Variants in ATG9A observed in about 807,000 individuals in gnomAD.
ATG9A encodes autophagy related 9A.
A neutral mutation model predicts 87.1 loss-of-function variants in ATG9A; 21 were observed. That is an observed-to-expected ratio of 0.24 (90% CI 0.17 to 0.35). The LOEUF is 0.35. ATG9A is among the 10% of genes least tolerant of loss of function. The pLI is 1.00. For synonymous variants in ATG9A, 422 were observed against 441.3 expected, an observed-to-expected ratio of 0.96 and a Z score of 0.55; for missense variants, 836 against 1,107.3, an observed-to-expected ratio of 0.76 and a Z score of 3.48.
chr2:219,228,775 T>C (rs1385170515), intron 1 of ATG9A: 1 of 152,256 alleles, frequency 6.6e-6, no homozygotes, highest in Non-Finnish European at 1.5e-5. Context: ...TCCATTGCCC[T>C]ACCTTAGCCT....
chr2:219,227,384 G>A (rs1950883373), intron 4 of ATG9A, among the ~76,000 whole-genome samples: 1 of 152,192 alleles, frequency 6.6e-6, no homozygotes, highest in Admixed American at 6.5e-5. Flanking sequence ...GGGCATCGTG[G>A]CAGGTGCCTG....
Position 219,223,436 on chromosome 2 carries a change from TG to T in ATG9A, c.1599+148del. The stretch of plus-strand genomic sequence containing the variant: ...CTTGGCCAAGGGTGCGAATTAGGGC[TG>T]AAATCCAGCCCAGGCTCCCAAGCAG... On this transcript the variant is annotated intron_variant, in intron 10 of 15. Coordinates refer to ENST00000361242, the MANE Select transcript of ATG9A (RefSeq NM_001077198.3). The surrounding 1 kb of genome is among the most constrained non-coding windows in gnomAD (Gnocchi z 4.7). 9.6e-7 allele frequency: 1 copy of T among 1,040,820 alleles called. No homozygotes were observed. The highest frequency in any genetic ancestry group is 1.6e-5 in the African/African-American group (1 of 62,132). The allele number at this position is 1,040,820 out of a possible 1,614,324, so 64.5% of individuals were successfully genotyped here.
rs1472882754 is a variant in ATG9A at position 219,223,930 on chromosome 2, T to C, written c.1358A>G (p.Gln453Arg). 2.5e-6 allele frequency: 4 copies of C among 1,614,174 alleles called. No individual in the cohort carries two copies. In the South Asian group the frequency reaches 3.3e-5, roughly 13 times the overall value. ...GGTCTGCGAGCGGTGGGCATTACCCTGCCAGTGGTCAGGCATGTAGTGGAT... is the reference window on the plus strand; with the variant it reads ...GGTCTGCGAGCGGTGGGCATTACCCCGCCAGTGGTCAGGCATGTAGTGGAT... Reference protein sequence around the residue: ...AHIHYMPDHWQGNAHRSQTRD... With the variant: ...AHIHYMPDHWRGNAHRSQTRD... Residue 453 changes from glutamine to arginine, a missense_variant, in exon 9 of 16, where the codon CAG becomes CGG. Transcript: ENST00000361242. The surrounding 1 kb of genome is among the most constrained non-coding windows in gnomAD (Gnocchi z 4.7).
In ATG9A at chr2:219,227,608, T is replaced by C. The variant is rs539761120; in HGVS notation, c.147+162A>G. 1.1e-4 allele frequency among the ~76,000 whole-genome samples: 16 copies of C among 152,292 alleles called. No homozygotes were observed. In the South Asian group the frequency reaches 1.2e-3, roughly 12 times the overall value. Reference sequence around the variant, plus strand: ...CACAGATCTTGGTAAATGTGGGCTATCATTACTTAACGATGATTTCACCAG... The same window carrying C: ...CACAGATCTTGGTAAATGTGGGCTACCATTACTTAACGATGATTTCACCAG... On this transcript the variant is annotated intron_variant, in intron 4 of 15. Coordinates refer to ENST00000361242, the MANE Select transcript of ATG9A (RefSeq NM_001077198.3).
At chr2:219,225,369 A>T in intron 6 of ATG9A, 42 bp downstream of exon 6, 3 of 1,606,044 alleles carry the variant, frequency 1.9e-6, no homozygotes, top group Non-Finnish European at 2.6e-6. Context: ...ACCTGCTAGC[A>T]GAACTCAAGG....
chr2:219,225,009 T>C, intron 7 of ATG9A, 62 bp downstream of exon 7: 1 of 1,601,596 alleles, frequency 6.2e-7, no homozygotes, highest in Non-Finnish European at 8.5e-7. Flanking sequence ...TGCCCAGGAA[T>C]ACACCCACAC....
At position 219,223,012 on chromosome 2, in the gene ATG9A, T is replaced by C; in HGVS notation, c.1600-119A>G. 5.1e-6 allele frequency: 7 copies of C among 1,365,054 alleles called. No homozygotes were observed. The South Asian group carries it at 6.9e-5, about 13-fold the overall frequency. 84.6% of individuals were successfully genotyped at this position (1,365,054 alleles called of 1,614,324 possible). A position where few individuals can be genotyped will look rare whatever the true frequency, so the allele number is the denominator to read the frequency against. On this transcript the variant is annotated intron_variant, in intron 10 of 15. Coordinates refer to ENST00000361242, the MANE Select transcript of ATG9A (RefSeq NM_001077198.3). This position sits in a 1 kb window ranked among gnomAD's most constrained non-coding sequence, Gnocchi z 4.7. ...CGGAGACCACAGTATACTGTCAATC[T>C]TTCCCAGGGCACTGGTGCCCCCCCA...
In ATG9A at chr2:219,222,760, C is replaced by A. The variant is rs1950788483; in HGVS notation, c.1733G>T (p.Gly578Val). Residue 578 changes from glycine (G) to valine (V), a missense_variant, in exon 11 of 16, where the codon GGC (glycine) becomes GTC (valine). Gly to Val is a moderately radical substitution (Grantham distance 109). Coordinates refer to ENST00000361242, the MANE Select transcript of ATG9A (RefSeq NM_001077198.3). This position sits in a 1 kb window ranked among gnomAD's most constrained non-coding sequence, Gnocchi z 4.3. ...QPPRESTAFL[G>V]FLKEQVQRDG... ...CCGCTGAACCTGCTCCTTGAGGAAG[C>A]CTAGGAAGGCTGTGCTCTCACGTGG... The A allele has an allele frequency of 1.2e-6, 2 of 1,613,992 alleles. No homozygotes were observed. The highest frequency in any genetic ancestry group is 2.7e-5 in the African/African-American group (2 of 74,922).
chr2:219,225,938 T>C (rs1950851776), intron 5 of ATG9A, among the ~76,000 whole-genome samples: 1 of 152,230 alleles, frequency 6.6e-6, no homozygotes, highest in Non-Finnish European at 1.5e-5. Flanking sequence ...TCCTAACCCC[T>C]TCCCCTTCGG....
At position 219,224,446 on chromosome 2, in the gene ATG9A, T is replaced by G; in HGVS notation, c.925A>C (p.Ile309Leu). Residue 309 changes from isoleucine (I) to leucine (L), a missense_variant, in exon 8 of 16, where the codon ATC becomes CTC. By Grantham distance (5) the Ile-to-Leu change is conservative. Around this residue, in one of 2 missense-constraint regions of ATG9A, gnomAD observed 512 missense variants for 759.6 expected, o/e 0.67. Coordinates refer to ENST00000361242, the MANE Select transcript of ATG9A (RefSeq NM_001077198.3). The surrounding 1 kb of genome is among the most constrained non-coding windows in gnomAD (Gnocchi z 7.7). ...LLCPLILIWQ[I>L]LYAFFSYAEV... ...GCATAGCTGAAGAAGGCATAGAGGATTTGCCATATGAGGATGAGGGGGCAC... is the reference window on the plus strand; with the variant it reads ...GCATAGCTGAAGAAGGCATAGAGGAGTTGCCATATGAGGATGAGGGGGCAC... The G allele has an allele frequency of 6.2e-7, 1 of 1,614,006 alleles. No homozygotes were observed. The highest frequency in any genetic ancestry group is 8.5e-7 in the Non-Finnish European group (1 of 1,179,996).
At chr2:219,226,785 C>G in intron 5 of ATG9A, 84 bp downstream of exon 5, 1 of 1,275,920 alleles carries the variant, frequency 7.8e-7, no homozygotes, top group Non-Finnish European at 1.1e-6. Flanking sequence ...GTTGTACTGG[C>G]AGGTTGGGCC....
At position 219,224,840 on chromosome 2, in the gene ATG9A, A is replaced by G. The variant is rs780703567; in HGVS notation, c.531T>C (p.Tyr177=). 6.2e-7 allele frequency: 1 copy of G among 1,607,320 alleles called. No homozygotes were observed. The highest frequency in any genetic ancestry group is 8.5e-7 in the Non-Finnish European group (1 of 1,177,866). The change falls in exon 8 of 16, where the codon TAT becomes TAC. Residue 177 remains tyrosine (Y), a synonymous_variant. Coordinates refer to ENST00000361242, the MANE Select transcript of ATG9A (RefSeq NM_001077198.3). The surrounding 1 kb of genome is among the most constrained non-coding windows in gnomAD (Gnocchi z 7.7). ...GGGCCTGCACTTCTTGCCACGTGCA[A>G]TACGGAAGGGCAGACTGCGGGGTGG... The part of the protein sequence containing the change: ...ALRIPMSALP[Y]CTWQEVQARI...
rs867133472 is a variant in ATG9A, at chr2:219,224,924, A to G, written c.517-70T>C. On this transcript the variant is annotated intron_variant, in intron 7 of 15. Coordinates refer to ENST00000361242, the MANE Select transcript of ATG9A (RefSeq NM_001077198.3). The surrounding 1 kb of genome is among the most constrained non-coding windows in gnomAD (Gnocchi z 7.7). ...TGTTGCCTCGACCCCTTTGCCCTATATTAGAAGTGAGATTCAGGGGTTGTG... is the reference window on the plus strand; with the variant it reads ...TGTTGCCTCGACCCCTTTGCCCTATGTTAGAAGTGAGATTCAGGGGTTGTG... The G allele has an allele frequency of 1.4e-5, 22 of 1,584,352 alleles. No individual in the cohort carries two copies. The Middle Eastern group carries it at 1.2e-3, about 88-fold the overall frequency.
rs1418750207 is a variant in ATG9A, at chr2:219,222,179, A to G, written c.2028-12T>C. The G allele has an allele frequency of 1.9e-6, 3 of 1,613,258 alleles. No individual in the cohort carries two copies. The East Asian group carries it at 6.7e-5, about 36-fold the overall frequency. On this transcript the variant is annotated splice_polypyrimidine_tract_variant and intron_variant, in intron 12 of 15. Transcript: ENST00000361242. The surrounding 1 kb of genome is among the most constrained non-coding windows in gnomAD (Gnocchi z 4.3). ...TCCTGGCATCCACCCTGTCTCTCCCAACAGAGACAGACAGCAGCTGTGAAC... is the reference window on the plus strand; with the variant it reads ...TCCTGGCATCCACCCTGTCTCTCCCGACAGAGACAGACAGCAGCTGTGAAC...
At chr2:219,220,683 A>G in intron 15 of ATG9A, 64 bp downstream of exon 15, 1 of 1,583,730 alleles carries the variant, frequency 6.3e-7, no homozygotes, top group Non-Finnish European at 8.6e-7. Flanking sequence ...TCCCCTGAAA[A>G]GCTGTTACCT....
Position 219,222,039 on chromosome 2 carries a change from T to G in ATG9A, c.2145+11A>C, listed in dbSNP as rs779689308. On this transcript the variant is annotated intron_variant, in intron 13 of 15. Coordinates refer to ENST00000361242, the MANE Select transcript of ATG9A (RefSeq NM_001077198.3). This position sits in a 1 kb window ranked among gnomAD's most constrained non-coding sequence, Gnocchi z 4.3. Reference sequence around the variant, plus strand: ...TAAACCCTCTACTCTCTTTTTTAGCTGTGCACTCACCTGGTGCATATAGAG... The same window carrying G: ...TAAACCCTCTACTCTCTTTTTTAGCGGTGCACTCACCTGGTGCATATAGAG... 6.2e-7 allele frequency: 1 copy of G among 1,610,754 alleles called. No individual in the cohort carries two copies.
At chr2:219,226,500 C>G (rs762294578) in intron 5 of ATG9A, among the ~76,000 whole-genome samples, 44 of 149,998 alleles carry the variant, frequency 2.9e-4, no homozygotes, top group Admixed American at 1.3e-3. Flanking sequence ...GCCTGGCCAA[C>G]TTGGTGAAAT....
At position 219,222,251 on chromosome 2, in the gene ATG9A, T is replaced by C. The variant is rs373884883; in HGVS notation, c.2027+21A>G. Reference sequence around the variant, plus strand: ...TGCTGAGGGCTGCCGTGCCCTCCCATCTTGGCCCCGATTTACTCACCCAGA... The same window carrying C: ...TGCTGAGGGCTGCCGTGCCCTCCCACCTTGGCCCCGATTTACTCACCCAGA... On this transcript the variant is annotated intron_variant, in intron 12 of 15. Transcript: ENST00000361242. This position sits in a 1 kb window ranked among gnomAD's most constrained non-coding sequence, Gnocchi z 4.3. 2 of 1,613,348 alleles carry C rather than the reference T, an allele frequency of 1.2e-6. No homozygotes were observed. The highest frequency in any genetic ancestry group is 2.7e-5 in the African/African-American group (2 of 74,926).
In ATG9A at chr2:219,222,308, G is replaced by A; in HGVS notation, c.1991C>T (p.Pro664Leu). 1 of 1,613,412 alleles carries A rather than the reference G, an allele frequency of 6.2e-7. No individual in the cohort carries two copies. Among genetic ancestry groups the A allele is most frequent in the Non-Finnish European group, 8.5e-7 (1 of 1,180,038 alleles). Reference protein sequence around the residue: ...SFSPLQPGQAPTGRAHSTMTG... With the variant: ...SFSPLQPGQALTGRAHSTMTG... ...CATGGTGCTGTGAGCCCGGCCTGTGGGCGCCTGCCCGGGTTGCAGCGGGGA... is the reference window on the plus strand; with the variant it reads ...CATGGTGCTGTGAGCCCGGCCTGTGAGCGCCTGCCCGGGTTGCAGCGGGGA... Residue 664 changes from proline to leucine, a missense_variant, in exon 12 of 16, where the codon CCC becomes CTC. Pro to Leu is a moderately conservative substitution (Grantham distance 98). This residue lies in a region of ATG9A where 324 missense variants were observed against 347.6 expected (regional missense o/e 0.93). Transcript: ENST00000361242. This position sits in a 1 kb window ranked among gnomAD's most constrained non-coding sequence, Gnocchi z 4.3.
Sources: allele counts gnomAD v4.1 joint callset (sites outside exome capture counted in the v4.1 genomes callset), GRCh38; gene constraint gnomAD v4.1.1; regional missense constraint gnomAD v4.1.1; non-coding constraint Gnocchi (gnomAD v3.1); transcripts MANE v1.5; gene names NCBI Gene and HGNC (gene_info 2026-07-23, HGNC 2026-07-21).